Variants in AK7 observed in about 807,000 individuals in gnomAD.
The protein encoded by AK7 is adenylate kinase 7, also known as ATP-AMP transphosphorylase 7.
Under a neutral mutation model 96.6 loss-of-function variants are expected in AK7, and 78 were observed. The ratio of observed to expected loss-of-function variants is 0.81; its 90% CI spans 0.67 to 0.97. AK7 has a LOEUF of 0.97. Among genes scored for constraint, AK7 ranks in the 50% least tolerant of loss-of-function variants. AK7 has a pLI of 0.00. For synonymous variants in AK7, 302 were observed against 317.2 expected (o/e 0.95, Z 0.51); for missense variants, 855 against 887.9 (o/e 0.96, Z 0.47).
chr14:96,451,966 G>A (rs1893630717), intron 10 of AK7, among the ~76,000 whole-genome samples: 1 of 152,146 alleles, frequency 6.6e-6, no homozygotes, highest in Non-Finnish European at 1.5e-5. Context: ...AATATCAACT[G>A]CCTTACTGGC....
intron 4 of AK7, among the ~76,000 whole-genome samples, chr14:96,413,798 GA>G (rs1397511082): frequency 6.6e-6 from 1 of 152,208 alleles, no homozygotes; most frequent in African/African-American, 2.4e-5. Flanking sequence ...GTGAATATTA[GA>G]TTGTTGTAAA....
intron 4 of AK7, among the ~76,000 whole-genome samples, chr14:96,418,758 AT>A (rs1275910331): frequency 6.6e-6 from 1 of 152,050 alleles, no homozygotes; most frequent in East Asian, 1.9e-4. Flanking sequence ...GCCTCAAGTG[AT>A]CCACCCACCT....
intron 6 of AK7, among the ~76,000 whole-genome samples, chr14:96,438,145 C>T (rs1892752960): frequency 6.6e-6 from 1 of 152,166 alleles, no homozygotes; most frequent in Non-Finnish European, 1.5e-5. Context: ...ATTCATGAAA[C>T]AGATATTGAT....
In AK7 at chr14:96,489,002, A is replaced by G. The variant is rs1008309196; in HGVS notation, c.*659A>G. The G allele has an allele frequency of 6.6e-6, 1 of 152,156 alleles. No homozygotes were observed. The highest frequency in any genetic ancestry group is 2.4e-5 in the African/African-American group (1 of 41,434). 9.4% of individuals were successfully genotyped at this position (152,156 alleles called of 1,614,324 possible). ...AGAAGTTGCTAAATATTTTCAACAC[A>G]CTTTATAACATAGGCATAAGTTATC... On this transcript the variant is annotated 3_prime_UTR_variant, in exon 18 of 18. Coordinates refer to ENST00000267584, the MANE Select transcript of AK7 (RefSeq NM_152327.5).
At position 96,483,114 on chromosome 14, in the gene AK7, G is replaced by T; in HGVS notation, c.1869G>T (p.Arg623=). Reference sequence around the variant, plus strand: ...ACGAAGAAAAGGCAGAAGAGGAGCGGAAGGCTGCGGAGGAGCGGCTGGCCA... The same window carrying T: ...ACGAAGAAAAGGCAGAAGAGGAGCGTAAGGCTGCGGAGGAGCGGCTGGCCA... ...LTDEEKAEEE[R]KAAEERLARE... is the part of the protein sequence containing the mutation. Residue 623 remains arginine (R), a synonymous_variant, in exon 16 of 18, where the codon CGG becomes CGT. Coordinates refer to ENST00000267584, the MANE Select transcript of AK7 (RefSeq NM_152327.5). The T allele has an allele frequency of 6.2e-7, 1 of 1,614,190 alleles. No individual in the cohort carries two copies. Among genetic ancestry groups the T allele is most frequent in the Non-Finnish European group, 8.5e-7 (1 of 1,180,046 alleles).
chr14:96,392,154 C>A lies in AK7; in HGVS notation c.-1C>A. ...CCTTAGCAACCAGCGCGGCTCCCAC[C>A]ATGGCTGAAGAAGAGGAAACTGCTG... On this transcript the variant is annotated 5_prime_UTR_variant, in exon 1 of 18. Transcript: ENST00000267584. 1.2e-6 allele frequency: 2 copies of A among 1,612,368 alleles called. No homozygotes were observed. Among genetic ancestry groups the A allele is most frequent in the Non-Finnish European group, 1.7e-6 (2 of 1,178,500 alleles).
At chr14:96,479,402 A>T (rs1173631155) in intron 15 of AK7, among the ~76,000 whole-genome samples, 9 of 128,716 alleles carry the variant, frequency 7.0e-5, no homozygotes, top group African/African-American at 1.3e-4. Context: ...TTTTTTTTTT[A>T]AAGAAATGTG....
chr14:96,404,634 G>A (rs1330372937), intron 2 of AK7, 123 bp from the exon 3 acceptor site: 1 of 489,932 alleles, frequency 2.0e-6, no homozygotes, highest in East Asian at 3.0e-5. Flanking sequence ...AAATCCTCCT[G>A]CAAGTGTTTC....
intron 17 of AK7, 130 bp from the exon 18 acceptor site, chr14:96,488,175 A>G (rs767607527): frequency 3.9e-5 from 29 of 744,110 alleles, no homozygotes; most frequent in Non-Finnish European, 5.7e-5. Flanking sequence ...AGCCTCCCAA[A>G]GTGCTGGGAT....
rs759490961 is a variant in AK7, at chr14:96,488,395, T to C, written c.*52T>C. 2.0e-6 allele frequency: 3 copies of C among 1,510,808 alleles called. No homozygotes were observed. Among genetic ancestry groups the C allele is most frequent in the South Asian group, 2.5e-5 (2 of 79,950 alleles). 93.6% of individuals were successfully genotyped at this position (1,510,808 alleles called of 1,614,324 possible). On this transcript the variant is annotated 3_prime_UTR_variant, in exon 18 of 18. Transcript: ENST00000267584. ...CTTTACAGAACCACAGATCACTTAT[T>C]ATACTTTGAAAAATTGCTTTGAAAA... is the stretch of plus-strand genomic sequence containing the variant.
Position 96,488,427 on chromosome 14 carries a change from T to G in AK7, c.*84T>G. 4 of 1,267,768 alleles carry G rather than the reference T, an allele frequency of 3.2e-6. No homozygotes were observed. Among genetic ancestry groups the G allele is most frequent in the Non-Finnish European group, 4.4e-6 (4 of 907,402 alleles). 78.5% of individuals were successfully genotyped at this position (1,267,768 alleles called of 1,614,324 possible). On this transcript the variant is annotated 3_prime_UTR_variant, in exon 18 of 18. Transcript: ENST00000267584. ...TGAAAAATTGCTTTGAAAAATGCTT[T>G]TCCAGTTCTTAGAAAATTCTTTTTT...
chr14:96,418,551 C>T (rs575945772), intron 4 of AK7, among the ~76,000 whole-genome samples: 74 of 151,904 alleles, frequency 4.9e-4, no homozygotes, highest in African/African-American at 1.7e-3. Context: ...AGAATTTTTG[C>T]TCTGTCGCCC....
chr14:96,408,646 C>T (rs1380593219), intron 3 of AK7, among the ~76,000 whole-genome samples: 1 of 152,172 alleles, frequency 6.6e-6, no homozygotes, highest in East Asian at 1.9e-4. Context: ...TGTGAACAAC[C>T]TGCTGGGATC....
chr14:96,427,461 T>G (rs1271807497), intron 5 of AK7, among the ~76,000 whole-genome samples: 1 of 152,142 alleles, frequency 6.6e-6, no homozygotes, highest in East Asian at 1.9e-4. Flanking sequence ...GAGAACTCAC[T>G]CACTATTACA....
chr14:96,472,808 G>A (rs759866184), intron 14 of AK7, 53 bp downstream of exon 14: 65 of 1,502,374 alleles, frequency 4.3e-5, no homozygotes, highest in African/African-American at 6.9e-5. Context: ...TGGGCTGGGC[G>A]TGGTGGCTCA....
chr14:96,457,723 C>G lies in AK7; in HGVS notation c.1228-360C>G, dbSNP rs184532843. ...CTTTGTATCATTTTATTGGAAATGG[C>G]AGATACTGAGGTAGCTTTCATAAAT... On this transcript the variant is annotated intron_variant, in intron 11 of 17. Transcript: ENST00000267584. 7.2e-5 allele frequency among the ~76,000 whole-genome samples: 11 copies of G among 152,266 alleles called. No homozygotes were observed. The South Asian group carries it at 1.5e-3, about 20-fold the overall frequency.
chr14:96,402,850 C>T (rs1219650746), intron 2 of AK7, among the ~76,000 whole-genome samples: 2 of 151,656 alleles, frequency 1.3e-5, no homozygotes, highest in African/African-American at 4.9e-5. Context: ...AGGTCATCAG[C>T]CAGGCGCAGT....
At chr14:96,457,103 C>T (rs1474295556) in intron 11 of AK7, 1 of 147,536 alleles carries the variant, frequency 6.8e-6, no homozygotes, top group Non-Finnish European at 1.5e-5. Flanking sequence ...CTTTGTCACC[C>T]AGGCTGGAGT....
intron 5 of AK7, among the ~76,000 whole-genome samples, chr14:96,425,518 T>A (rs1182521640): frequency 1.4e-5 from 2 of 145,504 alleles, no homozygotes; most frequent in East Asian, 4.0e-4. Flanking sequence ...AGTCTTGCTC[T>A]GTTGCGTAGG....
Sources: gnomAD v4.1 joint callset for allele counts (sites outside exome capture counted in the v4.1 genomes callset) on GRCh38, gnomAD v4.1.1 for gene constraint, MANE v1.5 for transcripts, NCBI Gene and HGNC (gene_info 2026-07-23, HGNC 2026-07-21) for gene names.